CNTNAP2: variants seen among roughly 807,000 people sequenced by gnomAD.
CNTNAP2 encodes contactin-associated protein-like 2.
A neutral mutation model predicts 155.2 loss-of-function variants in CNTNAP2; 98 were observed. The observed-to-expected ratio is 0.63, with a 90% CI of 0.54 to 0.75. The LOEUF (loss-of-function observed/expected upper bound fraction) is 0.75, where lower values mean the gene tolerates loss of function less well. CNTNAP2 is among the 30% of genes least tolerant of loss of function. The pLI, the probability that CNTNAP2 is intolerant of heterozygous loss-of-function variation, is 0.00. For synonymous variants in CNTNAP2, 651 were observed against 631.2 expected (o/e 1.03, Z -0.47); for missense variants, 1,727 against 1,688.1 (o/e 1.02, Z -0.40).
chr7:148,247,623 CTCTATTTATTTATTTATTTA>C (rs1345321174), intron 20 of CNTNAP2, among the ~76,000 whole-genome samples: 17 of 102,458 alleles, frequency 1.7e-4, no homozygotes, highest in African/African-American at 5.1e-4. Context: ...CTCTCTCTCT[CTCTATTTATTTATTTATTTA>C]TTTATTTATT....
chr7:146,312,448 ATATT>A lies in CNTNAP2; in HGVS notation c.97+195479_97+195482del, dbSNP rs529279287. Among the ~76,000 whole-genome samples the A allele has an allele frequency of 1.8e-3, 276 of 152,248 alleles. 7 individuals carry two copies. In the South Asian group the frequency reaches 0.047, roughly 26 times the overall value. On this transcript the variant is annotated intron_variant, in intron 1 of 23. Coordinates refer to ENST00000361727, the MANE Select transcript of CNTNAP2 (RefSeq NM_014141.6). ...GTGTAATTAACATATTTTATTGACA[ATATT>A]TATGTATATCTGTAATTACATATAT...
intron 1 of CNTNAP2, among the ~76,000 whole-genome samples, chr7:146,738,415 T>G (rs1801656114): frequency 6.6e-6 from 1 of 152,016 alleles, no homozygotes; most frequent in African/African-American, 2.4e-5. Flanking sequence ...AATGTTAACC[T>G]TTTATCAGAC....
chr7:146,528,144 G>A (rs1373856342), intron 1 of CNTNAP2, among the ~76,000 whole-genome samples: 1 of 152,264 alleles, frequency 6.6e-6, no homozygotes, highest in East Asian at 1.9e-4. Flanking sequence ...CTTAAAAGGA[G>A]TAAATGAAAA....
At chr7:148,301,988 A>G (rs1293795647) in intron 21 of CNTNAP2, among the ~76,000 whole-genome samples, 1 of 152,220 alleles carries the variant, frequency 6.6e-6, no homozygotes, top group Non-Finnish European at 1.5e-5. Context: ...GCTCCTTTAC[A>G]AGACGGAAGC....
chr7:147,916,677 G>GGA (rs576428527), intron 14 of CNTNAP2, among the ~76,000 whole-genome samples: 3 of 128,638 alleles, frequency 2.3e-5, no homozygotes, highest in Admixed American at 7.9e-5. Flanking sequence ...TATGTTTTCT[G>GGA]AAAAAAAAAA....
intron 10 of CNTNAP2, among the ~76,000 whole-genome samples, chr7:147,459,344 C>T (rs981759065): frequency 6.6e-6 from 1 of 152,246 alleles, no homozygotes; most frequent in East Asian, 1.9e-4. Context: ...TATGATTTCA[C>T]TCTGGATACT....
At chr7:147,785,147 G>C (rs1048327587) in intron 13 of CNTNAP2, among the ~76,000 whole-genome samples, 4 of 152,158 alleles carry the variant, frequency 2.6e-5, no homozygotes, top group Non-Finnish European at 4.4e-5. Context: ...AAATTTTGAG[G>C]TTGTCTATGT....
chr7:146,125,464 T>C (rs1797620416), intron 1 of CNTNAP2, among the ~76,000 whole-genome samples: 2 of 150,146 alleles, frequency 1.3e-5, no homozygotes, highest in Non-Finnish European at 1.5e-5. Context: ...TAGTCCCAGC[T>C]ACTTGGAAGG....
chr7:147,291,587 A>G (rs1805313657), intron 8 of CNTNAP2, among the ~76,000 whole-genome samples: 1 of 152,296 alleles, frequency 6.6e-6, no homozygotes, highest in Middle Eastern at 3.4e-3. Context: ...TGTCATGAAT[A>G]AGGCTGTCAA....
chr7:147,707,981 A>G (rs1323395596), intron 13 of CNTNAP2, among the ~76,000 whole-genome samples: 1 of 151,962 alleles, frequency 6.6e-6, no homozygotes, highest in Non-Finnish European at 1.5e-5. Context: ...TCATGTCTGG[A>G]CATAGAGTGG....
At chr7:147,957,129 T>A (rs1200824938) in intron 14 of CNTNAP2, among the ~76,000 whole-genome samples, 5 of 152,134 alleles carry the variant, frequency 3.3e-5, no homozygotes, top group Admixed American at 3.3e-4. Context: ...AAAAGTCTGT[T>A]AAGAGAAAAG....
In CNTNAP2 at chr7:147,065,215, C is replaced by T. The variant is rs539742555; in HGVS notation, c.550+21161C>T. Among the ~76,000 whole-genome samples the T allele has an allele frequency of 2.3e-4, 35 of 151,996 alleles. 1 individual carries two copies. Among genetic ancestry groups the T allele is most frequent in the Middle Eastern group, 6.8e-3 (2 of 292 alleles). ...TATGTAAGGTGAATGTGATAATAGC[C>T]GTTATTTAATATTGTTAATTATTAA... On this transcript the variant is annotated intron_variant, in intron 4 of 23. Coordinates refer to ENST00000361727, the MANE Select transcript of CNTNAP2 (RefSeq NM_014141.6).
chr7:147,465,697 T>C (rs755635612), intron 10 of CNTNAP2, among the ~76,000 whole-genome samples: 51 of 152,224 alleles, frequency 3.4e-4, no homozygotes, highest in Non-Finnish European at 3.7e-4. Context: ...AATTCCAGTT[T>C]TTAAAATCTT....
intron 1 of CNTNAP2, among the ~76,000 whole-genome samples, chr7:146,624,007 A>G (rs540056966): frequency 2.4e-4 from 36 of 152,224 alleles, no homozygotes; most frequent in Admixed American, 1.8e-3. Flanking sequence ...ACTTAATGGC[A>G]AATATGTTGT....
chr7:147,382,831 CTCG>C lies in CNTNAP2; in HGVS notation c.1499-12777_1499-12775del, dbSNP rs1236887921. 2.1e-4 allele frequency among the ~76,000 whole-genome samples: 32 copies of C among 152,226 alleles called. No homozygotes were observed. The East Asian group carries it at 6.2e-3, about 29-fold the overall frequency. ...ATTGTCAGAAAAGTAGAAGGAAAAC[CTCG>C]AATGATGTAGTACATTGTCAGCCAA... On this transcript the variant is annotated intron_variant, in intron 9 of 23. Coordinates refer to ENST00000361727, the MANE Select transcript of CNTNAP2 (RefSeq NM_014141.6).
At chr7:146,578,377 A>G (rs558095084) in intron 1 of CNTNAP2, among the ~76,000 whole-genome samples, 1 of 152,286 alleles carries the variant, frequency 6.6e-6, no homozygotes, top group South Asian at 2.1e-4. Context: ...GTCTGTTGCT[A>G]GAATCTTGTA....
chr7:146,361,364 T>C lies in CNTNAP2; in HGVS notation c.97+244391T>C, dbSNP rs1795080291. On this transcript the variant is annotated intron_variant, in intron 1 of 23. Transcript: ENST00000361727. ...GTGCAGATTTGGTCATACCTGGGGGTTCTGTAACCAGTCCCCCACGTGTAC... is the reference window on the plus strand; with the variant it reads ...GTGCAGATTTGGTCATACCTGGGGGCTCTGTAACCAGTCCCCCACGTGTAC... Among the ~76,000 whole-genome samples, 14 of 152,086 alleles carry C rather than the reference T, an allele frequency of 9.2e-5. 2 individuals are homozygous for C. The South Asian group carries it at 2.9e-3, about 32-fold the overall frequency.
In CNTNAP2 at chr7:147,947,732, G is replaced by A. The variant is rs1036304273; in HGVS notation, c.2256-30130G>A. Among the ~76,000 whole-genome samples, 11 of 152,226 alleles carry A rather than the reference G, an allele frequency of 7.2e-5. No homozygotes were observed. The East Asian group carries it at 2.1e-3, about 29-fold the overall frequency. On this transcript the variant is annotated intron_variant, in intron 14 of 23. Transcript: ENST00000361727. ...TGGGAGGGAACACTGGAGAGACCTTGGTTCTGAGGCTTATTTCTGATGCCT... is the reference window on the plus strand; with the variant it reads ...TGGGAGGGAACACTGGAGAGACCTTAGTTCTGAGGCTTATTTCTGATGCCT...
In CNTNAP2 at chr7:147,043,943, C is replaced by T; in HGVS notation, c.439C>T (p.Arg147Trp). ...AAACATTAACTCTGACGGTGTGGTC[C>T]GGCACGAATTACAGCATCCGATTAT... is the stretch of plus-strand genomic sequence containing the variant. ...PGNINSDGVVRHELQHPIIAR... is the reference protein window; with the variant it reads ...PGNINSDGVVWHELQHPIIAR... Residue 147 changes from arginine to tryptophan, a missense_variant, in exon 4 of 24, where the codon CGG (arginine) becomes TGG (tryptophan). Arg to Trp is a moderately radical substitution (Grantham distance 101). Coordinates refer to ENST00000361727, the MANE Select transcript of CNTNAP2 (RefSeq NM_014141.6). 2.5e-6 allele frequency: 4 copies of T among 1,614,066 alleles called. No homozygotes were observed. The highest frequency in any genetic ancestry group is 2.2e-5 in the East Asian group (1 of 44,862).
Sources: allele counts gnomAD v4.1 joint callset (sites outside exome capture counted in the v4.1 genomes callset), GRCh38; gene constraint gnomAD v4.1.1; transcripts MANE v1.5; gene names NCBI Gene and HGNC (gene_info 2026-07-23, HGNC 2026-07-21).